Variants in KHDRBS2 observed in about 807,000 individuals in gnomAD.
KHDRBS2 encodes KH RNA binding domain containing, signal transduction associated 2.
KHDRBS2 carries 26 observed loss-of-function variants against 44.3 expected under a neutral mutation model. The observed-to-expected ratio is 0.59, with a 90% CI of 0.43 to 0.81. KHDRBS2 has a LOEUF of 0.81. Ranked by LOEUF, KHDRBS2 falls within the 40% of genes least tolerant of loss-of-function variation. The pLI, the probability that KHDRBS2 is intolerant of heterozygous loss-of-function variation, is 0.00. For synonymous variants in KHDRBS2, 194 were observed against 151.1 expected, an observed-to-expected ratio of 1.28 and a Z score of -2.08; for missense variants, 476 against 433.1, an observed-to-expected ratio of 1.10 and a Z score of -0.88.
At chr6:61,556,028 A>G in the KHDRBS2 span, among the ~76,000 whole-genome samples, 1 of 152,120 alleles carries the variant, frequency 6.6e-6, no homozygotes, top group South Asian at 2.1e-4. Flanking sequence ...GCATTACAGG[A>G]TGAGTTCTTG....
At chr6:62,015,077 T>C (rs183903414) in intron 3 of KHDRBS2, among the ~76,000 whole-genome samples, 6 of 152,268 alleles carry the variant, frequency 3.9e-5, no homozygotes, top group Non-Finnish European at 1.5e-5. Flanking sequence ...TGTCTGAATG[T>C]TAATGCAACA....
At chr6:62,199,319 G>T (rs917554097) in intron 1 of KHDRBS2, among the ~76,000 whole-genome samples, 2 of 152,170 alleles carry the variant, frequency 1.3e-5, no homozygotes, top group African/African-American at 2.4e-5. Flanking sequence ...CAGATGACAT[G>T]ATTGTATATC....
At chr6:62,065,153 G>A (rs1293982760) in intron 2 of KHDRBS2, among the ~76,000 whole-genome samples, 2 of 151,076 alleles carry the variant, frequency 1.3e-5, no homozygotes, top group Non-Finnish European at 1.5e-5. Context: ...GAGAGGATGT[G>A]GAGAAATAGG....
intron 6 of KHDRBS2, chr6:61,814,148 C>A: frequency 2.3e-6 from 1 of 432,626 alleles, no homozygotes. Flanking sequence ...AATCCTGTAG[C>A]AAACAGATAT....
At chr6:61,852,528 C>T (rs555849797) in intron 6 of KHDRBS2, among the ~76,000 whole-genome samples, 13 of 149,842 alleles carry the variant, frequency 8.7e-5, no homozygotes, top group African/African-American at 1.2e-4. Flanking sequence ...CGCACCACTG[C>T]ACTCCAGCCT....
the KHDRBS2 span, among the ~76,000 whole-genome samples, chr6:61,622,614 T>G: frequency 2.6e-5 from 4 of 152,230 alleles, no homozygotes; most frequent in South Asian, 4.1e-4. Flanking sequence ...TAATGCAAAC[T>G]CAGCGTTAGA....
the KHDRBS2 span, among the ~76,000 whole-genome samples, chr6:61,588,674 C>A: frequency 6.6e-6 from 1 of 152,018 alleles, no homozygotes; most frequent in African/African-American, 2.4e-5. Flanking sequence ...TGCCTGCAGT[C>A]CCAGTGGCTT....
At chr6:62,274,485 C>T (rs1232748872) in intron 1 of KHDRBS2, among the ~76,000 whole-genome samples, 2 of 152,188 alleles carry the variant, frequency 1.3e-5, no homozygotes, top group Admixed American at 6.5e-5. Flanking sequence ...TAGACACACT[C>T]TTCTTGATTC....
intron 6 of KHDRBS2, among the ~76,000 whole-genome samples, chr6:61,836,403 A>G (rs1792674780): frequency 6.6e-6 from 1 of 152,026 alleles, no homozygotes; most frequent in Non-Finnish European, 1.5e-5. Flanking sequence ...TATTGGATGG[A>G]TCTGAAGAGT....
the KHDRBS2 span, among the ~76,000 whole-genome samples, chr6:61,560,942 T>A: frequency 1.3e-5 from 2 of 152,142 alleles, no homozygotes; most frequent in African/African-American, 2.4e-5. Flanking sequence ...TGAGCTTGTT[T>A]GTACCCCTCC....
intron 1 of KHDRBS2, among the ~76,000 whole-genome samples, chr6:62,234,103 G>A (rs919202537): frequency 3.3e-5 from 5 of 151,830 alleles, no homozygotes; most frequent in African/African-American, 1.2e-4. Flanking sequence ...ATTGATAACT[G>A]CCTATAATAA....
Position 61,831,500 on chromosome 6 carries a change from T to C in KHDRBS2, c.810+63135A>G, listed in dbSNP as rs193256236. 4.7e-3 allele frequency among the ~76,000 whole-genome samples: 713 copies of C among 152,172 alleles called. 10 individuals are homozygous for C. The highest frequency in any genetic ancestry group is 0.016 in the African/African-American group (673 of 41,524). ...ATGACTTAAAGGGTCGTTTGAAAGGTATTCTGATTGAGTCAATATTCATAA... is the reference window on the plus strand; with the variant it reads ...ATGACTTAAAGGGTCGTTTGAAAGGCATTCTGATTGAGTCAATATTCATAA... On this transcript the variant is annotated intron_variant, in intron 6 of 8. Coordinates refer to ENST00000281156, the MANE Select transcript of KHDRBS2 (RefSeq NM_152688.4).
intron 3 of KHDRBS2, among the ~76,000 whole-genome samples, chr6:62,020,455 A>T (rs1051026836): frequency 6.6e-6 from 1 of 152,022 alleles, no homozygotes; most frequent in African/African-American, 2.4e-5. Context: ...ATAAATGTCA[A>T]TTAACTCAGT....
At chr6:62,253,338 T>C (rs1231928465) in intron 1 of KHDRBS2, among the ~76,000 whole-genome samples, 3 of 152,010 alleles carry the variant, frequency 2.0e-5, no homozygotes, top group Non-Finnish European at 2.9e-5. Context: ...TCGCACAAAA[T>C]TACAGACTGT....
intron 7 of KHDRBS2, among the ~76,000 whole-genome samples, chr6:61,727,510 A>T (rs1773767872): frequency 6.6e-6 from 1 of 152,176 alleles, no homozygotes; most frequent in South Asian, 2.1e-4. Flanking sequence ...AATTCTACAG[A>T]ATGGAAGAAA....
At chr6:61,987,537 ATCT>A (rs892992357) in intron 3 of KHDRBS2, among the ~76,000 whole-genome samples, 4 of 152,166 alleles carry the variant, frequency 2.6e-5, no homozygotes, top group African/African-American at 9.7e-5. Context: ...TTTAACATAA[ATCT>A]TCTTCAGAAA....
chr6:61,608,235 TATATATATAC>T, the KHDRBS2 span, among the ~76,000 whole-genome samples: 1 of 151,196 alleles, frequency 6.6e-6, no homozygotes, highest in African/African-American at 2.4e-5. Context: ...GCTTGTTTTA[TATATATATAC>T]ATATATACAC....
At chr6:61,878,999 T>C (rs1291966455) in intron 6 of KHDRBS2, among the ~76,000 whole-genome samples, 8 of 151,994 alleles carry the variant, frequency 5.3e-5, no homozygotes, top group Non-Finnish European at 8.8e-5. Context: ...GTGTTGCTAC[T>C]ATTAATATTC....
rs370633962 is a variant in KHDRBS2 at position 62,156,816 on chromosome 6, T to C, written c.219+20369A>G. On this transcript the variant is annotated intron_variant, in intron 2 of 8. Coordinates refer to ENST00000281156, the MANE Select transcript of KHDRBS2 (RefSeq NM_152688.4). ...CCTCCTGAGTAGCTGGGACTACAGGTGCCCGCCACCACGCCCGGCTAATTT... is the reference window on the plus strand; with the variant it reads ...CCTCCTGAGTAGCTGGGACTACAGGCGCCCGCCACCACGCCCGGCTAATTT... 3.5e-3 allele frequency among the ~76,000 whole-genome samples: 512 copies of C among 146,784 alleles called. 2 individuals carry two copies. Among genetic ancestry groups the C allele is most frequent in the African/African-American group, 0.012 (494 of 39,908 alleles).
Sources: allele counts gnomAD v4.1 joint callset (sites outside exome capture counted in the v4.1 genomes callset), GRCh38; gene constraint gnomAD v4.1.1; transcripts MANE v1.5; gene names NCBI Gene and HGNC (gene_info 2026-07-23, HGNC 2026-07-21).